NBPF20: variants seen among roughly 807,000 people sequenced by gnomAD.
NBPF20 encodes NBPF family member NBPF20.
A neutral mutation model predicts 68.1 loss-of-function variants in NBPF20; 90 were observed. The observed-to-expected ratio is 1.32, with a 90% confidence interval of 1.11 to 1.58. The LOEUF (loss-of-function observed/expected upper bound fraction) is 1.58. NBPF20 is among the 40% of genes most tolerant of loss of function. The probability of loss-of-function intolerance (pLI) is 0.00; values close to 1 mark genes in which losing one functional copy is unlikely to be tolerated. For synonymous variants in NBPF20, 290 were observed against 228.1 expected (o/e 1.27, Z -2.45); for missense variants, 816 against 601.2 (o/e 1.36, Z -3.74).
the NBPF20 span, among the ~76,000 whole-genome samples, chr1:145,411,385 TCC>T: frequency 6.8e-6 from 1 of 146,206 alleles, no homozygotes; most frequent in East Asian, 2.0e-4. Context: ...TTGTTGACTT[TCC>T]TTTTTTTTTT....
chr1:145,419,552 C>T, the NBPF20 span, among the ~76,000 whole-genome samples: 2 of 152,108 alleles, frequency 1.3e-5, no homozygotes, highest in South Asian at 4.1e-4. Context: ...GCTCCTTGTC[C>T]ACTCCAGAAG....
intron 61 of NBPF20, among the ~76,000 whole-genome samples, chr1:145,352,442 G>T (rs1661665966): frequency 6.5e-5 from 1 of 15,268 alleles, no homozygotes; most frequent in Non-Finnish European, 1.2e-4. Context: ...CAGCATACAG[G>T]GATCATGAAA....
rs1370318525 is a variant in NBPF20, at chr1:145,392,819, C to T, written c.1216+255G>A. ...AGTTGTGTGAATTTGTCACATCTGC[C>T]CAGGTCGAACGTCATGAGAGTAGGA... On this transcript the variant is annotated intron_variant, in intron 10 of 137. Coordinates refer to ENST00000369373, the Ensembl canonical transcript of NBPF20. Among the ~76,000 whole-genome samples, 5 of 96,838 alleles carry T rather than the reference C, an allele frequency of 5.2e-5. 2 individuals are homozygous for T. Among genetic ancestry groups the T allele is most frequent in the African/African-American group, 3.2e-4 (5 of 15,402 alleles). 63.5% of individuals were successfully genotyped at this position (96,838 alleles called of 152,430 possible). A position where few individuals can be genotyped will look rare whatever the true frequency, so the allele number is the denominator to read the frequency against.
At chr1:145,352,328 C>G (rs1356704136) in intron 61 of NBPF20, among the ~76,000 whole-genome samples, 2 of 90,714 alleles carry the variant, frequency 2.2e-5, no homozygotes, top group Non-Finnish European at 4.8e-5. Context: ...CACACACACA[C>G]AGACACACAC....
chr1:145,419,851 C>T, the NBPF20 span, among the ~76,000 whole-genome samples: 1 of 152,168 alleles, frequency 6.6e-6, no homozygotes, highest in Non-Finnish European at 1.5e-5. Context: ...AAGAAGGCGT[C>T]CACCACAAGG....
chr1:145,399,829 A>G (rs1437179750), intron 6 of NBPF20, among the ~76,000 whole-genome samples: 5 of 143,260 alleles, frequency 3.5e-5, no homozygotes, highest in Admixed American at 7.2e-5. Flanking sequence ...ACATTGGATC[A>G]GCCATTGCAT....
At chr1:145,335,039 C>T (rs1389134742) in intron 83 of NBPF20, among the ~76,000 whole-genome samples, 1 of 62,874 alleles carries the variant, frequency 1.6e-5, no homozygotes, top group Non-Finnish European at 3.6e-5. Context: ...GAGGTATGGT[C>T]AACCTATAGT....
intron 7 of NBPF20, among the ~76,000 whole-genome samples, chr1:145,397,475 C>T (rs2101555892): frequency 6.6e-6 from 1 of 152,284 alleles, no homozygotes; most frequent in Admixed American, 6.5e-5. Context: ...ATTTCATATC[C>T]AGCCAAACAA....
upstream of NBPF20, among the ~76,000 whole-genome samples, chr1:145,410,385 G>C (rs1316282079): frequency 6.7e-6 from 1 of 149,762 alleles, no homozygotes; most frequent in African/African-American, 2.5e-5. Context: ...CGGGATCTCG[G>C]CTCACTGCAA....
At chr1:145,409,709 G>A (rs1416288450), upstream of NBPF20, among the ~76,000 whole-genome samples, 1 of 151,500 alleles carries the variant, frequency 6.6e-6, no homozygotes, top group Non-Finnish European at 1.5e-5. Context: ...GACCCATTTA[G>A]ATTAACTGAA....
At chr1:145,342,810 C>CAGAG (rs1661630953) in intron 73 of NBPF20, among the ~76,000 whole-genome samples, 1 of 112,640 alleles carries the variant, frequency 8.9e-6, no homozygotes, top group Non-Finnish European at 1.8e-5. Flanking sequence ...CACACACACA[C>CAGAG]ACAGAGAGAA....
intron 132 of NBPF20, 84 bp from the exon 138 acceptor site, chr1:145,295,702 G>A: frequency 3.1e-5 from 3 of 97,886 alleles, no homozygotes; most frequent in South Asian, 1.3e-4. Flanking sequence ...CTCACACAGG[G>A]ACTTCAGGCT....
intron 6 of NBPF20, among the ~76,000 whole-genome samples, chr1:145,399,825 G>C (rs2101567557): frequency 7.2e-6 from 1 of 138,348 alleles, no homozygotes; most frequent in Non-Finnish European, 1.5e-5. Context: ...AGAAACATTG[G>C]ATCAGCCATT....
the NBPF20 span, among the ~76,000 whole-genome samples, chr1:145,422,718 G>T: frequency 6.6e-6 from 1 of 152,202 alleles, no homozygotes; most frequent in Non-Finnish European, 1.5e-5. Context: ...GCCGGGTGGG[G>T]TGGCTCATGC....
chr1:145,312,030 A>T (rs1202936162), intron 112 of NBPF20, among the ~76,000 whole-genome samples, 178 bp downstream of exon 117: 1 of 39,374 alleles, frequency 2.5e-5, no homozygotes, highest in African/African-American at 2.2e-4. Context: ...TTGCTCACTG[A>T]CCCATCCCTT....
intron 5 of NBPF20, among the ~76,000 whole-genome samples, chr1:145,400,837 G>A (rs1391845142): frequency 2.0e-5 from 3 of 151,962 alleles, no homozygotes; most frequent in African/African-American, 7.3e-5. Flanking sequence ...AGCTGAGGAG[G>A]ATGAAGACTC....
rs1347619873 is a variant in NBPF20 at position 145,291,857 on chromosome 1, T to C, written c.16698-88A>G. 19 of 1,603,354 alleles carry C rather than the reference T, an allele frequency of 1.2e-5. No homozygotes were observed. In the East Asian group the frequency reaches 2.0e-4, roughly 17 times the overall value. The stretch of plus-strand genomic sequence containing the variant: ...AGATTTCAGAAGTCACATAAGGAAG[T>C]GGTTAGAAAAGAAAAAGGATAGATC... On this transcript the variant is annotated intron_variant, in intron 137 of 137. Transcript: ENST00000369373.
chr1:145,415,019 C>A, the NBPF20 span, among the ~76,000 whole-genome samples: 1 of 152,140 alleles, frequency 6.6e-6, no homozygotes, highest in Admixed American at 6.5e-5. Flanking sequence ...AGGACCCATG[C>A]CGGCACTGGC....
exon 138 of NBPF20, chr1:145,291,353 C>T: frequency 7.0e-7 from 1 of 1,426,558 alleles, no homozygotes; most frequent in South Asian, 1.3e-5. Flanking sequence ...GGTCCATTGT[C>T]TTCAGACTGA....
Sources: allele counts gnomAD v4.1 joint callset (sites outside exome capture counted in the v4.1 genomes callset), GRCh38; gene constraint gnomAD v4.1.1; transcripts MANE v1.5; gene names NCBI Gene and HGNC (gene_info 2026-07-23, HGNC 2026-07-21).